Variants in ZBTB20 observed in about 807,000 individuals in gnomAD.
The protein encoded by ZBTB20 is zinc finger and BTB domain-containing protein 20.
In ZBTB20, 9 loss-of-function variants were observed where a neutral mutation model predicts 56.9. The ratio of observed to expected loss-of-function variants is 0.16; its 90% CI spans 0.10 to 0.28. The LOEUF (loss-of-function observed/expected upper bound fraction) is 0.28, where lower values mean the gene tolerates loss of function less well. Ranked by LOEUF, ZBTB20 falls within the 10% of genes least tolerant of loss-of-function variation. The pLI is 1.00. For synonymous variants in ZBTB20, 417 were observed against 420.7 expected, an observed-to-expected ratio of 0.99 and a Z score of 0.11; for missense variants, 655 against 1,003.0, an observed-to-expected ratio of 0.65 and a Z score of 4.69.
rs1026482149 is a variant in ZBTB20, at chr3:114,548,167, T to C, written c.-294-47776A>G. On this transcript the variant is annotated intron_variant, in intron 6 of 11. Coordinates refer to ENST00000675478, the MANE Select transcript of ZBTB20 (RefSeq NM_001348800.3). ...CTCTGCCTCACTCAGATTAGCCTTA[T>C]GGCCATGGTATCAGAACTGCAAATA... is the stretch of plus-strand genomic sequence containing the variant. Among the ~76,000 whole-genome samples the C allele has an allele frequency of 2.0e-5, 3 of 152,364 alleles. 1 individual carries two copies. In the South Asian group the frequency reaches 6.2e-4, roughly 32 times the overall value.
intron 5 of ZBTB20, among the ~76,000 whole-genome samples, chr3:114,729,663 A>C (rs948837642): frequency 5.9e-5 from 9 of 152,226 alleles, no homozygotes; most frequent in Non-Finnish European, 1.2e-4. Context: ...TATTAGTGCA[A>C]TAATATTAAA....
At chr3:114,631,693 T>A (rs2058963207) in intron 6 of ZBTB20, among the ~76,000 whole-genome samples, 1 of 152,034 alleles carries the variant, frequency 6.6e-6, no homozygotes, top group South Asian at 2.1e-4. Context: ...CCCAGCAAAA[T>A]ATAGGTTACT....
rs748145614 is a variant in ZBTB20, at chr3:114,324,905, T to G, written c.*14100A>C. The stretch of plus-strand genomic sequence containing the variant: ...CTGCTTGTCTGCTCATACCCACACA[T>G]GCATGCTGTAAGTCTCAAGAGAATC... On this transcript the variant is annotated 3_prime_UTR_variant, in exon 12 of 12. Transcript: ENST00000675478. 1 of 152,152 alleles carries G rather than the reference T, an allele frequency of 6.6e-6. No homozygotes were observed. Among genetic ancestry groups the G allele is most frequent in the Admixed American group, 6.6e-5 (1 of 15,260 alleles). 9.4% of individuals were successfully genotyped at this position (152,152 alleles called of 1,614,324 possible).
At chr3:114,787,509 T>C (rs1249551087) in intron 5 of ZBTB20, among the ~76,000 whole-genome samples, 2 of 151,558 alleles carry the variant, frequency 1.3e-5, no homozygotes, top group Admixed American at 1.3e-4. Context: ...TCCATTTATA[T>C]GACAACTCTT....
At chr3:114,802,039 T>C (rs1390258051) in intron 4 of ZBTB20, among the ~76,000 whole-genome samples, 1 of 151,890 alleles carries the variant, frequency 6.6e-6, no homozygotes, top group Non-Finnish European at 1.5e-5. Flanking sequence ...ATAGTATTTT[T>C]TAAATTAAAA....
At chr3:114,619,375 T>A (rs936234900) in intron 6 of ZBTB20, among the ~76,000 whole-genome samples, 1 of 152,192 alleles carries the variant, frequency 6.6e-6, no homozygotes, top group South Asian at 2.1e-4. Context: ...TCTATATATA[T>A]AAACTCCAGG....
intron 7 of ZBTB20, among the ~76,000 whole-genome samples, chr3:114,426,676 A>T (rs896527282): frequency 6.6e-6 from 1 of 152,194 alleles, no homozygotes; most frequent in African/African-American, 2.4e-5. Flanking sequence ...TGCACTGAAG[A>T]ACATCTTTCC....
intron 7 of ZBTB20, among the ~76,000 whole-genome samples, chr3:114,415,785 C>G (rs962535726): frequency 1.3e-5 from 2 of 151,980 alleles, no homozygotes; most frequent in Non-Finnish European, 2.9e-5. Context: ...AAACGTGGGT[C>G]TCACTGACAT....
At chr3:114,973,380 T>C (rs371126431) in intron 3 of ZBTB20, among the ~76,000 whole-genome samples, 187 of 152,322 alleles carry the variant, frequency 1.2e-3, no homozygotes, top group Middle Eastern at 3.4e-3. Context: ...CCTGTTGACA[T>C]ACAGGAGCTT....
intron 4 of ZBTB20, among the ~76,000 whole-genome samples, chr3:114,823,460 T>C (rs2073361017): frequency 1.3e-5 from 2 of 148,800 alleles, no homozygotes; most frequent in African/African-American, 5.1e-5. Context: ...CTTATAAGAA[T>C]ATAAGAAAAA....
In ZBTB20 at chr3:114,336,785, T is replaced by C. The variant is rs1576212188; in HGVS notation, c.*2220A>G. 2 of 152,246 alleles carry C rather than the reference T, an allele frequency of 1.3e-5. No homozygotes were observed. Among genetic ancestry groups the C allele is most frequent in the South Asian group, 2.1e-4 (1 of 4,836 alleles). The allele number at this position is 152,246 out of a possible 1,614,324, so 9.4% of individuals were successfully genotyped here. ...GAAGGAAAATTAAATTAAAATGTAA[T>C]GTAATTTTGAAACTAAAATACGCTC... On this transcript the variant is annotated 3_prime_UTR_variant, in exon 12 of 12. Transcript: ENST00000675478.
At chr3:115,144,230 T>G (rs1043578418) in intron 1 of ZBTB20, among the ~76,000 whole-genome samples, 5 of 152,202 alleles carry the variant, frequency 3.3e-5, no homozygotes, top group African/African-American at 1.2e-4. Flanking sequence ...TTATAAATTA[T>G]AGATCGCAGG....
chr3:114,369,439 G>A (rs1019570654), intron 10 of ZBTB20, among the ~76,000 whole-genome samples: 1 of 152,162 alleles, frequency 6.6e-6, no homozygotes, highest in African/African-American at 2.4e-5. Context: ...AAAGACTCAT[G>A]TTCAACATTG....
At chr3:114,655,341 T>C (rs967870356) in intron 6 of ZBTB20, among the ~76,000 whole-genome samples, 1 of 143,330 alleles carries the variant, frequency 7.0e-6, no homozygotes, top group African/African-American at 2.6e-5. Context: ...CAAGCTCCGC[T>C]TCCCGGGTTC....
At chr3:115,006,994 T>C (rs1264686835) in intron 2 of ZBTB20, among the ~76,000 whole-genome samples, 2 of 151,870 alleles carry the variant, frequency 1.3e-5, no homozygotes, top group East Asian at 1.9e-4. Flanking sequence ...AAAATCCCTT[T>C]TGAGTTTAGT....
chr3:115,079,863 AT>A (rs1352740124), intron 1 of ZBTB20, among the ~76,000 whole-genome samples: 1 of 152,234 alleles, frequency 6.6e-6, no homozygotes, highest in African/African-American at 2.4e-5. Flanking sequence ...ATTACATTAC[AT>A]TACATTATTA....
At chr3:114,904,927 G>A (rs188469067) in intron 3 of ZBTB20, among the ~76,000 whole-genome samples, 1 of 151,982 alleles carries the variant, frequency 6.6e-6, no homozygotes, top group East Asian at 1.9e-4. Flanking sequence ...CTGTAATAAA[G>A]CTATAAAATC....
intron 4 of ZBTB20, among the ~76,000 whole-genome samples, chr3:114,838,145 G>C (rs35767067): frequency 6.6e-6 from 1 of 152,050 alleles, no homozygotes; most frequent in African/African-American, 2.4e-5. Flanking sequence ...GAGGCAATTC[G>C]TGAGGGCCTC....
At chr3:114,803,504 C>T (rs541300573) in intron 4 of ZBTB20, among the ~76,000 whole-genome samples, 8 of 151,854 alleles carry the variant, frequency 5.3e-5, no homozygotes, top group Admixed American at 3.9e-4. Context: ...AAAATATAGT[C>T]GCCAACTCAC....
Sources: allele counts gnomAD v4.1 joint callset (sites outside exome capture counted in the v4.1 genomes callset), GRCh38; gene constraint gnomAD v4.1.1; transcripts MANE v1.5; gene names NCBI Gene and HGNC (gene_info 2026-07-23, HGNC 2026-07-21).